Variants in EIF3H observed in about 807,000 individuals in gnomAD.
EIF3H encodes eIF-3-gamma.
EIF3H carries 26 observed loss-of-function variants against 44.2 expected under a neutral mutation model. The ratio of observed to expected loss-of-function variants is 0.59; its 90% CI spans 0.43 to 0.82. The LOEUF (loss-of-function observed/expected upper bound fraction) is 0.82, where lower values mean the gene tolerates loss of function less well. Ranked by LOEUF, EIF3H falls within the 40% of genes least tolerant of loss-of-function variation. EIF3H has a pLI of 0.00. For synonymous variants in EIF3H, 166 were observed against 151.9 expected (o/e 1.09, Z -0.68); for missense variants, 359 against 432.8 (o/e 0.83, Z 1.51).
chr8:116,757,254 A>ACCAG (rs1563664920), upstream of EIF3H, among the ~76,000 whole-genome samples: 1 of 151,476 alleles, frequency 6.6e-6, no homozygotes, highest in African/African-American at 2.4e-5. Context: ...TATGAAATAC[A>ACCAG]CTAGATGTAA....
At chr8:116,703,659 C>T (rs887668586) in intron 2 of EIF3H, among the ~76,000 whole-genome samples, 4 of 152,180 alleles carry the variant, frequency 2.6e-5, no homozygotes, top group Admixed American at 6.5e-5. Flanking sequence ...GGCCCCTGTC[C>T]GGTGGACACA....
At chr8:116,677,506 GT>G (rs1456394015) in intron 2 of EIF3H, among the ~76,000 whole-genome samples, 2 of 152,196 alleles carry the variant, frequency 1.3e-5, no homozygotes. Context: ...ATTCCAGTTT[GT>G]ATGGTGAATT....
intron 1 of EIF3H, among the ~76,000 whole-genome samples, chr8:116,745,483 T>C (rs1303720473): frequency 1.3e-5 from 2 of 152,202 alleles, no homozygotes; most frequent in South Asian, 2.1e-4. Flanking sequence ...AAACAAATGA[T>C]AGATTGTCAT....
intron 1 of EIF3H, chr8:116,737,358 T>C: frequency 7.0e-6 from 3 of 426,906 alleles, no homozygotes; most frequent in Middle Eastern, 3.9e-4. Context: ...AAAAATAAAG[T>C]TTTAAAAATT....
chr8:116,693,296 A>T (rs545518050), intron 2 of EIF3H, among the ~76,000 whole-genome samples: 1 of 152,254 alleles, frequency 6.6e-6, no homozygotes, highest in Non-Finnish European at 1.5e-5. Flanking sequence ...AGAAAATTTT[A>T]GCAACTGCTT....
intron 1 of EIF3H, among the ~76,000 whole-genome samples, chr8:116,743,804 A>ATATATAT (rs1815180734): frequency 1.3e-4 from 3 of 23,888 alleles, no homozygotes; most frequent in Admixed American, 4.9e-4. Flanking sequence ...ATATAAACAC[A>ATATATAT]CACACACACA....
At chr8:116,728,012 G>A (rs2130930402) in intron 1 of EIF3H, among the ~76,000 whole-genome samples, 1 of 152,286 alleles carries the variant, frequency 6.6e-6, no homozygotes, top group Middle Eastern at 3.4e-3. Context: ...CCAATTTTAA[G>A]CTGGAAAGTC....
At chr8:116,700,052 T>C (rs539666984) in intron 2 of EIF3H, among the ~76,000 whole-genome samples, 61 of 152,342 alleles carry the variant, frequency 4.0e-4, no homozygotes, top group African/African-American at 1.4e-3. Context: ...GTGATCCTCC[T>C]GCCTTGGCCT....
At chr8:116,697,389 G>C (rs1814287382) in intron 2 of EIF3H, among the ~76,000 whole-genome samples, 1 of 152,176 alleles carries the variant, frequency 6.6e-6, no homozygotes, top group South Asian at 2.1e-4. Flanking sequence ...TCAGTGTCAG[G>C]TGCTGACAAA....
intron 2 of EIF3H, among the ~76,000 whole-genome samples, chr8:116,720,791 C>T (rs1814730726): frequency 6.6e-6 from 1 of 152,040 alleles, no homozygotes; most frequent in Admixed American, 6.6e-5. Flanking sequence ...AGCAAAGAGA[C>T]TGCTAAATGA....
At chr8:116,722,314 C>T (rs1814761684) in intron 2 of EIF3H, among the ~76,000 whole-genome samples, 1 of 152,164 alleles carries the variant, frequency 6.6e-6, no homozygotes, top group Admixed American at 6.5e-5. Context: ...GAGGCCTTCC[C>T]AGCCATGTGG....
chr8:116,756,036 C>CTT, upstream of EIF3H: 1 of 1,530,804 alleles, frequency 6.5e-7, no homozygotes, highest in Non-Finnish European at 8.8e-7. Flanking sequence ...TGAAAGTAAA[C>CTT]TTTTTAAATG....
intron 2 of EIF3H, among the ~76,000 whole-genome samples, chr8:116,707,643 T>C (rs942393598): frequency 1.3e-5 from 2 of 152,192 alleles, no homozygotes; most frequent in African/African-American, 2.4e-5. Context: ...TCTACCTCTC[T>C]CTAGTGTTCA....
chr8:116,645,012 G>A lies in EIF3H; in HGVS notation c.1053C>T (p.Asn351=), dbSNP rs765443856. The A allele has an allele frequency of 7.4e-6, 12 of 1,613,460 alleles. No homozygotes were observed. The highest frequency in any genetic ancestry group is 1.0e-5 in the Non-Finnish European group (12 of 1,179,498). The change falls in exon 8 of 8, where the codon AAC becomes AAT. Residue 351 remains asparagine (N), a synonymous_variant. Transcript: ENST00000521861. ...LFMAQALQEY[N]N ...TTCTGGAAACTTCCTTTTCTTAGTTGTTGTATTCTTGAAGAGCCTGGGCCA... is the reference window on the plus strand; with the variant it reads ...TTCTGGAAACTTCCTTTTCTTAGTTATTGTATTCTTGAAGAGCCTGGGCCA...
At chr8:116,663,836 C>G (rs1240535657) in intron 2 of EIF3H, among the ~76,000 whole-genome samples, 1 of 150,138 alleles carries the variant, frequency 6.7e-6, no homozygotes, top group African/African-American at 2.5e-5. Context: ...GAGGCTGAGG[C>G]GCAAGAATTG....
At chr8:116,671,613 C>T (rs1440327189) in intron 2 of EIF3H, among the ~76,000 whole-genome samples, 2 of 152,146 alleles carry the variant, frequency 1.3e-5, no homozygotes, top group Non-Finnish European at 2.9e-5. Context: ...TAGGCGCTGT[C>T]CAGCATAGGG....
At chr8:116,653,160 G>A (rs1176049842) in intron 5 of EIF3H, among the ~76,000 whole-genome samples, 1 of 152,018 alleles carries the variant, frequency 6.6e-6, no homozygotes, top group Non-Finnish European at 1.5e-5. Context: ...ACAGTAATGA[G>A]AAAGGCACTA....
At chr8:116,665,459 C>G (rs940160479) in intron 2 of EIF3H, among the ~76,000 whole-genome samples, 2 of 151,994 alleles carry the variant, frequency 1.3e-5, no homozygotes, top group African/African-American at 4.8e-5. Context: ...ATAGATGGAA[C>G]AGAGATCAGA....
intron 2 of EIF3H, among the ~76,000 whole-genome samples, chr8:116,686,334 A>C (rs571700559): frequency 1.6e-4 from 24 of 152,250 alleles, no homozygotes; most frequent in African/African-American, 5.5e-4. Flanking sequence ...AGCTCCATGG[A>C]ATGAGTTTTG....
Sources: allele counts gnomAD v4.1 joint callset (sites outside exome capture counted in the v4.1 genomes callset), GRCh38; gene constraint gnomAD v4.1.1; transcripts MANE v1.5; gene names NCBI Gene and HGNC (gene_info 2026-07-23, HGNC 2026-07-21).